Variants in LUZP2 observed in about 807,000 individuals in gnomAD.
The protein encoded by LUZP2 is leucine zipper protein 2.
Under a neutral mutation model 51.6 loss-of-function variants are expected in LUZP2, and 52 were observed. That is an observed-to-expected ratio of 1.01 (90% CI 0.81 to 1.27). The LOEUF is 1.27. Ranked by LOEUF, LUZP2 falls within the 50% of genes most tolerant of loss-of-function variation. The pLI is 0.00. For missense variants in LUZP2, 436 were observed against 395.4 expected (o/e 1.10, Z -0.87); for synonymous variants, 154 against 137.3 (o/e 1.12, Z -0.85).
In LUZP2 at chr11:24,604,567, C is replaced by T. The variant is rs527756067; in HGVS notation, c.62+107262C>T. ...GAAAGTGAAGACACCAGATAAAAAACGGTGGCATAGACTAAAAGCATAGGG... is the reference window on the plus strand; with the variant it reads ...GAAAGTGAAGACACCAGATAAAAAATGGTGGCATAGACTAAAAGCATAGGG... On this transcript the variant is annotated intron_variant, in intron 1 of 11. Transcript: ENST00000336930. Among the ~76,000 whole-genome samples the T allele has an allele frequency of 5.4e-4, 82 of 151,876 alleles. 3 individuals carry two copies. In the South Asian group the frequency reaches 0.016, roughly 30 times the overall value.
intron 4 of LUZP2, among the ~76,000 whole-genome samples, chr11:24,754,830 C>A (rs1334767763): frequency 1.3e-5 from 2 of 152,260 alleles, no homozygotes; most frequent in South Asian, 2.1e-4. Flanking sequence ...CAAACATGTT[C>A]TTCTACTCTG....
At chr11:24,824,467 A>G (rs1850466687) in intron 5 of LUZP2, among the ~76,000 whole-genome samples, 1 of 150,960 alleles carries the variant, frequency 6.6e-6, no homozygotes, top group African/African-American at 2.4e-5. Context: ...ATATTTGAGA[A>G]GGAACCGTCA....
At chr11:24,785,415 A>C (rs1278399991) in intron 5 of LUZP2, among the ~76,000 whole-genome samples, 2 of 152,002 alleles carry the variant, frequency 1.3e-5, no homozygotes, top group Middle Eastern at 3.2e-3. Context: ...GCAAGTGTCA[A>C]AATGTGAATT....
chr11:24,582,296 C>G (rs1370554736), intron 1 of LUZP2, among the ~76,000 whole-genome samples: 1 of 125,720 alleles, frequency 8.0e-6, no homozygotes, highest in Non-Finnish European at 1.6e-5. Context: ...TAATCCCTAG[C>G]TGATTTTTTT....
intron 4 of LUZP2, among the ~76,000 whole-genome samples, chr11:24,744,884 C>T (rs565449403): frequency 5.9e-5 from 9 of 152,022 alleles, no homozygotes; most frequent in Non-Finnish European, 8.8e-5. Flanking sequence ...TTTCCCGTAT[C>T]CCAGAGGTTT....
At chr11:25,000,201 T>C (rs1023528146) in intron 9 of LUZP2, among the ~76,000 whole-genome samples, 7 of 152,100 alleles carry the variant, frequency 4.6e-5, no homozygotes, top group African/African-American at 1.4e-4. Context: ...AGAGTGCTGA[T>C]TGGTGCATTT....
At chr11:24,797,519 C>T (rs527934136) in intron 5 of LUZP2, among the ~76,000 whole-genome samples, 4 of 152,232 alleles carry the variant, frequency 2.6e-5, no homozygotes, top group African/African-American at 7.2e-5. Flanking sequence ...CTTTAAAAAT[C>T]GTGTACAAGG....
chr11:24,574,427 G>C, intron 1 of LUZP2, among the ~76,000 whole-genome samples: 1 of 136,394 alleles, frequency 7.3e-6, no homozygotes, highest in Non-Finnish European at 1.5e-5. Context: ...GTATGTATTT[G>C]TGTGTTAGTT....
chr11:24,543,584 G>A (rs925727149), intron 1 of LUZP2, among the ~76,000 whole-genome samples: 1 of 152,028 alleles, frequency 6.6e-6, no homozygotes, highest in South Asian at 2.1e-4. Context: ...ACTTTGGGAG[G>A]CCAAGGCGGG....
At chr11:24,975,206 A>T (rs1855852425) in intron 7 of LUZP2, among the ~76,000 whole-genome samples, 2 of 151,992 alleles carry the variant, frequency 1.3e-5, no homozygotes, top group Non-Finnish European at 2.9e-5. Flanking sequence ...TTTCTTCATT[A>T]TTCTACAATT....
At chr11:24,749,100 A>G (rs1859484661) in intron 4 of LUZP2, among the ~76,000 whole-genome samples, 2 of 152,274 alleles carry the variant, frequency 1.3e-5, no homozygotes, top group East Asian at 3.9e-4. Flanking sequence ...CCTTCTAAGG[A>G]TGTAGTTAGA....
rs138161281 is a variant in LUZP2, at chr11:24,817,552, G to T, written c.396+54244G>T. The stretch of plus-strand genomic sequence containing the variant: ...TTCAACAGATCTGTTTGTCTTCAAC[G>T]CCCACATATTTTCCAAATAATCTAC... On this transcript the variant is annotated intron_variant, in intron 5 of 11. Transcript: ENST00000336930. 2.7e-3 allele frequency among the ~76,000 whole-genome samples: 416 copies of T among 152,016 alleles called. 2 individuals carry two copies. The highest frequency in any genetic ancestry group is 9.7e-3 in the African/African-American group (402 of 41,494).
At chr11:24,950,617 T>C (rs1367942149) in intron 7 of LUZP2, among the ~76,000 whole-genome samples, 1 of 151,624 alleles carries the variant, frequency 6.6e-6, no homozygotes. Context: ...AGAGAAGCAA[T>C]ACAGCTAATG....
chr11:25,030,593 C>A (rs1472549789), intron 9 of LUZP2, among the ~76,000 whole-genome samples: 1 of 151,620 alleles, frequency 6.6e-6, no homozygotes, highest in African/African-American at 2.4e-5. Context: ...ATACTTGTTA[C>A]TTTAAGCCTT....
At chr11:24,658,107 A>G (rs996685860) in intron 1 of LUZP2, among the ~76,000 whole-genome samples, 8 of 152,308 alleles carry the variant, frequency 5.3e-5, no homozygotes, top group East Asian at 3.9e-4. Context: ...AAAAGAGCCC[A>G]CATTGCCAAG....
At chr11:24,870,917 A>C (rs1208111910) in intron 5 of LUZP2, among the ~76,000 whole-genome samples, 1 of 151,962 alleles carries the variant, frequency 6.6e-6, no homozygotes, top group Non-Finnish European at 1.5e-5. Context: ...CCATTGGATG[A>C]ATTTCTATAT....
Position 25,049,614 on chromosome 11 carries a change from G to A in LUZP2, c.766-424G>A, listed in dbSNP as rs560322164. Among the ~76,000 whole-genome samples the A allele has an allele frequency of 9.9e-5, 15 of 151,908 alleles. No homozygotes were observed. The East Asian group carries it at 1.6e-3, about 16-fold the overall frequency. On this transcript the variant is annotated intron_variant, in intron 9 of 11. Coordinates refer to ENST00000336930, the MANE Select transcript of LUZP2 (RefSeq NM_001009909.4). ...CACTATGTATATTATGAAGTGTTAC[G>A]AATCATTTTCTTTCTATCGAGAAAA...
chr11:25,072,880 T>G (rs899246584), intron 10 of LUZP2, among the ~76,000 whole-genome samples: 2 of 152,092 alleles, frequency 1.3e-5, no homozygotes, highest in African/African-American at 4.8e-5. Context: ...TATCTTTTCT[T>G]TCCAAAGCAA....
chr11:24,785,509 C>G (rs1486697), intron 5 of LUZP2, among the ~76,000 whole-genome samples: 1 of 151,486 alleles, frequency 6.6e-6, no homozygotes, highest in Non-Finnish European at 1.5e-5. Context: ...TTGATACTTA[C>G]TTGGGAATAT....
Sources: allele counts gnomAD v4.1 joint callset (sites outside exome capture counted in the v4.1 genomes callset), GRCh38; gene constraint gnomAD v4.1.1; transcripts MANE v1.5; gene names NCBI Gene and HGNC (gene_info 2026-07-23, HGNC 2026-07-21).